STK39: variants seen among roughly 807,000 people sequenced by gnomAD.
STK39 encodes the protein serine/threonine kinase 39, also known as STE20/SPS1-related proline-alanine-rich protein kinase.
Under a neutral mutation model 77.8 loss-of-function variants are expected in STK39, and 20 were observed. That is an observed-to-expected ratio of 0.26 (90% CI 0.18 to 0.37). STK39 has a LOEUF of 0.37. Ranked by LOEUF, STK39 falls within the 10% of genes least tolerant of loss-of-function variation. The probability of loss-of-function intolerance (pLI) is 1.00; values close to 1 mark genes in which losing one functional copy is unlikely to be tolerated. For synonymous variants in STK39, 246 were observed against 234.1 expected, an observed-to-expected ratio of 1.05 and a Z score of -0.47; for missense variants, 479 against 656.5, an observed-to-expected ratio of 0.73 and a Z score of 2.95.
intron 14 of STK39, among the ~76,000 whole-genome samples, chr2:168,051,007 A>C (rs1685381384): frequency 6.6e-6 from 1 of 152,250 alleles, no homozygotes; most frequent in African/African-American, 2.4e-5. Flanking sequence ...AGTTAATGCA[A>C]AGAAAGTCCC....
chr2:167,965,635 T>C (rs1692136484), intron 16 of STK39, among the ~76,000 whole-genome samples: 1 of 152,180 alleles, frequency 6.6e-6, no homozygotes, highest in African/African-American at 2.4e-5. Context: ...GGCTATTGCT[T>C]AGGGAAGGAG....
chr2:168,103,093 C>A (rs1686878557), intron 10 of STK39, among the ~76,000 whole-genome samples: 1 of 152,028 alleles, frequency 6.6e-6, no homozygotes. Context: ...CATCTGAGGT[C>A]TACCTTGAGC....
intron 16 of STK39, among the ~76,000 whole-genome samples, chr2:168,007,425 G>A (rs558952580): frequency 6.6e-6 from 1 of 152,208 alleles, no homozygotes; most frequent in East Asian, 1.9e-4. Flanking sequence ...TGCAGTTTGG[G>A]GCACTGGGAA....
intron 15 of STK39, among the ~76,000 whole-genome samples, chr2:168,014,958 G>A (rs1684368838): frequency 6.6e-6 from 1 of 152,168 alleles, no homozygotes; most frequent in South Asian, 2.1e-4. Flanking sequence ...AGGACTCCTG[G>A]GCACCAGATG....
At chr2:168,069,558 C>G (rs761949409) in intron 12 of STK39, among the ~76,000 whole-genome samples, 47 of 152,180 alleles carry the variant, frequency 3.1e-4, no homozygotes, top group Non-Finnish European at 5.3e-4. Context: ...TTTTCTTTTT[C>G]CTTATTTTTA....
intron 1 of STK39, 78 bp downstream of exon 1, chr2:168,247,150 A>G: frequency 2.0e-6 from 2 of 1,007,392 alleles, no homozygotes; most frequent in Non-Finnish European, 2.4e-6. Context: ...CATGCAGGCT[A>G]GCCCAGCATC....
intron 10 of STK39, 100 bp downstream of exon 10, chr2:168,129,441 G>T (rs1358279901): frequency 2.3e-6 from 3 of 1,314,034 alleles, no homozygotes; most frequent in Admixed American, 3.7e-5. Flanking sequence ...CGTCTGAATA[G>T]TATATCCTGC....
At chr2:168,056,041 A>G (rs375096694) in intron 14 of STK39, among the ~76,000 whole-genome samples, 18 of 152,344 alleles carry the variant, frequency 1.2e-4, no homozygotes, top group African/African-American at 4.3e-4. Context: ...AACATAAAAG[A>G]AAAAGATAAA....
chr2:167,989,474 AT>A (rs1559046521), intron 16 of STK39, among the ~76,000 whole-genome samples: 1 of 152,182 alleles, frequency 6.6e-6, no homozygotes, highest in Non-Finnish European at 1.5e-5. Flanking sequence ...CAAGAACAAG[AT>A]AAATGAAATC....
At chr2:168,185,340 A>G (rs1344876318) in intron 1 of STK39, among the ~76,000 whole-genome samples, 2 of 152,038 alleles carry the variant, frequency 1.3e-5, no homozygotes, top group Non-Finnish European at 2.9e-5. Context: ...TTTTCAGTTC[A>G]CTCTTTTAAG....
chr2:168,037,116 G>C (rs1004765728), intron 14 of STK39, among the ~76,000 whole-genome samples: 2 of 152,156 alleles, frequency 1.3e-5, no homozygotes, highest in South Asian at 2.1e-4. Context: ...ATATAAGAGT[G>C]AGTTATTTTA....
Position 168,176,837 on chromosome 2 carries a change from TAA to T in STK39, c.321+5139_321+5140del, listed in dbSNP as rs1688967914. Among the ~76,000 whole-genome samples the T allele has an allele frequency of 6.6e-5, 10 of 152,314 alleles. No individual in the cohort carries two copies. The South Asian group carries it at 2.1e-3, about 32-fold the overall frequency. On this transcript the variant is annotated intron_variant, in intron 2 of 17. Transcript: ENST00000355999. The stretch of plus-strand genomic sequence containing the variant: ...GATTTCTGCTATCATACCGTAATGC[TAA>T]AGTGACTTGACTCTATCCTGAATTA...
At chr2:168,098,457 C>T (rs969635758) in intron 10 of STK39, among the ~76,000 whole-genome samples, 1 of 152,162 alleles carries the variant, frequency 6.6e-6, no homozygotes, top group African/African-American at 2.4e-5. Flanking sequence ...AGATGCTGAA[C>T]GTGATCAGTT....
intron 10 of STK39, among the ~76,000 whole-genome samples, chr2:168,085,143 A>G (rs1686332279): frequency 1.3e-5 from 2 of 152,212 alleles, no homozygotes; most frequent in South Asian, 4.1e-4. Flanking sequence ...GAAACAGAAT[A>G]CAAAATAAAA....
chr2:168,047,390 C>T (rs745579710), intron 14 of STK39, among the ~76,000 whole-genome samples: 1 of 152,198 alleles, frequency 6.6e-6, no homozygotes, highest in African/African-American at 2.4e-5. Flanking sequence ...CAGAGAAAGA[C>T]TTCTCTTTCG....
chr2:168,061,242 CA>C lies in STK39; in HGVS notation c.1376+2257del, dbSNP rs35903727. ...TAGGAGAAATATAGAGTGTGGATTA[CA>C]AAAAAAAAAAAAACCACATTATCTT... On this transcript the variant is annotated intron_variant, in intron 14 of 17. Transcript: ENST00000355999. Among the ~76,000 whole-genome samples, 1,182 of 124,214 alleles carry C rather than the reference CA, an allele frequency of 9.5e-3. 5 individuals carry two copies. The highest frequency in any genetic ancestry group is 0.025 in the Middle Eastern group (6 of 244). 81.5% of individuals were successfully genotyped at this position (124,214 alleles called of 152,430 possible).
intron 16 of STK39, among the ~76,000 whole-genome samples, chr2:167,977,293 A>T (rs778615736): frequency 5.9e-5 from 9 of 152,192 alleles, no homozygotes; most frequent in Non-Finnish European, 1.3e-4. Flanking sequence ...GGAAGTGTCC[A>T]ATAATCATTA....
At chr2:168,170,805 G>A (rs1245516239) in intron 2 of STK39, among the ~76,000 whole-genome samples, 2 of 152,200 alleles carry the variant, frequency 1.3e-5, no homozygotes, top group African/African-American at 2.4e-5. Flanking sequence ...AACTGGAGGA[G>A]AGGGGTAAGA....
chr2:168,001,916 A>G (rs1684011608), intron 16 of STK39, among the ~76,000 whole-genome samples: 1 of 152,248 alleles, frequency 6.6e-6, no homozygotes, highest in Admixed American at 6.5e-5. Flanking sequence ...AAGTAAGCCT[A>G]CTTTACTTCC....
Sources: gnomAD v4.1 joint callset for allele counts (sites outside exome capture counted in the v4.1 genomes callset) on GRCh38, gnomAD v4.1.1 for gene constraint, MANE v1.5 for transcripts, NCBI Gene and HGNC (gene_info 2026-07-23, HGNC 2026-07-21) for gene names.